Variants in SYT16 observed in about 807,000 individuals in gnomAD.
SYT16 encodes the protein synaptotagmin-16.
Under a neutral mutation model 61.4 loss-of-function variants are expected in SYT16, and 42 were observed. The ratio of observed to expected loss-of-function variants is 0.68; its 90% confidence interval spans 0.53 to 0.89. The LOEUF (loss-of-function observed/expected upper bound fraction) is 0.89, where lower values mean the gene tolerates loss of function less well. Among genes scored for constraint, SYT16 ranks in the 40% least tolerant of loss-of-function variants. The probability of loss-of-function intolerance (pLI) is 0.00; values close to 1 mark genes in which losing one functional copy is unlikely to be tolerated. For missense variants in SYT16, 804 were observed against 807.3 expected, an observed-to-expected ratio of 1.00 and a Z score of 0.05; for synonymous variants, 314 against 302.3, an observed-to-expected ratio of 1.04 and a Z score of -0.40.
At chr14:61,859,442 C>G (rs1010327042) in intron 1 of SYT16, among the ~76,000 whole-genome samples, 5 of 151,960 alleles carry the variant, frequency 3.3e-5, no homozygotes, top group Non-Finnish European at 7.4e-5. Flanking sequence ...CCCTACCTAC[C>G]TAAATCAGAC....
intron 1 of SYT16, among the ~76,000 whole-genome samples, chr14:61,831,136 A>G (rs540901738): frequency 6.6e-6 from 1 of 152,338 alleles, no homozygotes; most frequent in South Asian, 2.1e-4. Flanking sequence ...TGTCACTGAC[A>G]TCTAGCCAGG....
chr14:62,071,298 A>G (rs2056289706), intron 4 of SYT16, among the ~76,000 whole-genome samples: 1 of 152,176 alleles, frequency 6.6e-6, no homozygotes, highest in Non-Finnish European at 1.5e-5. Flanking sequence ...TTTAATCCTA[A>G]AGCTAATGGC....
chr14:62,002,636 G>T (rs953451451), intron 3 of SYT16, among the ~76,000 whole-genome samples: 1 of 152,086 alleles, frequency 6.6e-6, no homozygotes, highest in African/African-American at 2.4e-5. Context: ...AGGGGAATCT[G>T]CAGTGGTCTG....
intron 1 of SYT16, among the ~76,000 whole-genome samples, chr14:61,954,151 T>C (rs1016074235): frequency 1.3e-5 from 2 of 152,194 alleles, no homozygotes; most frequent in African/African-American, 2.4e-5. Context: ...AGAAAGTTTA[T>C]AATACCTGTG....
At chr14:61,869,331 T>A (rs1383305200) in intron 1 of SYT16, among the ~76,000 whole-genome samples, 1 of 152,092 alleles carries the variant, frequency 6.6e-6, no homozygotes, top group Non-Finnish European at 1.5e-5. Context: ...GTCTTTATTC[T>A]TTTTGCTTTG....
intron 5 of SYT16, among the ~76,000 whole-genome samples, chr14:62,080,075 G>A (rs1247114807): frequency 5.3e-5 from 8 of 152,166 alleles, no homozygotes; most frequent in Non-Finnish European, 7.4e-5. Context: ...GGGTAAAAAA[G>A]CTAGTCAGTG....
intron 1 of SYT16, among the ~76,000 whole-genome samples, chr14:61,888,558 G>A (rs1381953013): frequency 2.0e-5 from 3 of 152,162 alleles, no homozygotes; most frequent in Non-Finnish European, 4.4e-5. Flanking sequence ...TCTTATATGG[G>A]TGCAGTTTGT....
rs192721987 is a variant in SYT16 at position 62,051,134 on chromosome 14, C to G, written c.524-18469C>G. 1.7e-4 allele frequency among the ~76,000 whole-genome samples: 26 copies of G among 152,350 alleles called. No homozygotes were observed. The East Asian group carries it at 4.2e-3, about 25-fold the overall frequency. ...TGGGCTCCACCCAGTTCGAGCTTCCCGGCTGCTTTGTTTACCTACTCAAGC... is the reference window on the plus strand; with the variant it reads ...TGGGCTCCACCCAGTTCGAGCTTCCGGGCTGCTTTGTTTACCTACTCAAGC... On this transcript the variant is annotated intron_variant, in intron 3 of 7. Transcript: ENST00000683842.
intron 2 of SYT16, among the ~76,000 whole-genome samples, chr14:61,991,145 A>G (rs980542628): frequency 1.3e-5 from 2 of 152,054 alleles, no homozygotes; most frequent in African/African-American, 4.8e-5. Flanking sequence ...AGAAGCTTGT[A>G]TGGTAAACAC....
rs370916485 is a variant in SYT16 at position 61,838,767 on chromosome 14, A to G, written c.-325+25957A>G. 1.1e-4 allele frequency among the ~76,000 whole-genome samples: 16 copies of G among 152,306 alleles called. No individual in the cohort carries two copies. The East Asian group carries it at 2.5e-3, about 24-fold the overall frequency. On this transcript the variant is annotated intron_variant, in intron 1 of 7. Coordinates refer to ENST00000683842, the MANE Select transcript of SYT16 (RefSeq NM_001367656.1). ...AAAAACTCCAAACATAAAGTTGTCT[A>G]TGTTATTGGAAGGGAGAAGGGAAAA...
At chr14:61,910,528 T>C (rs1376502780) in intron 1 of SYT16, among the ~76,000 whole-genome samples, 1 of 51,948 alleles carries the variant, frequency 1.9e-5, no homozygotes, top group East Asian at 1.6e-3. Context: ...TCCCGCTGTT[T>C]TGTTTTTTTT....
chr14:61,978,014 G>T (rs773308450), intron 2 of SYT16, among the ~76,000 whole-genome samples: 1 of 152,046 alleles, frequency 6.6e-6, no homozygotes, highest in African/African-American at 2.4e-5. Context: ...TTGTCTTGTG[G>T]CTGTATCATT....
intron 1 of SYT16, among the ~76,000 whole-genome samples, chr14:61,851,893 C>T (rs1290160688): frequency 6.6e-6 from 1 of 152,174 alleles, no homozygotes; most frequent in Admixed American, 6.5e-5. Flanking sequence ...TTTTGCTGTG[C>T]AGAAGCTCTT....
intron 5 of SYT16, among the ~76,000 whole-genome samples, chr14:62,079,951 G>T (rs752822551): frequency 3.9e-5 from 6 of 152,154 alleles, no homozygotes; most frequent in African/African-American, 1.4e-4. Flanking sequence ...TATGCAGTCT[G>T]GTCTAAGCCA....
intron 2 of SYT16, among the ~76,000 whole-genome samples, chr14:61,980,657 A>G (rs2052028688): frequency 6.6e-6 from 1 of 152,210 alleles, no homozygotes; most frequent in African/African-American, 2.4e-5. Context: ...TGGAAATAAA[A>G]TGGTGAAAAA....
At chr14:61,832,055 G>C (rs1207018468) in intron 1 of SYT16, 1 of 711,588 alleles carries the variant, frequency 1.4e-6, no homozygotes, top group Non-Finnish European at 2.7e-6. Flanking sequence ...ACATGGCAGC[G>C]CCCACAACCG....
rs1328803790 is a variant in SYT16 at position 62,109,466 on chromosome 14, T to G, written c.*8759T>G. The G allele has an allele frequency of 6.6e-6, 1 of 152,154 alleles. No individual in the cohort carries two copies. Among genetic ancestry groups the G allele is most frequent in the Non-Finnish European group, 1.5e-5 (1 of 68,024 alleles). 9.4% of individuals were successfully genotyped at this position (152,154 alleles called of 1,614,324 possible). A position where few individuals can be genotyped will look rare whatever the true frequency, so the allele number is the denominator to read the frequency against. ...TGGCAAATTTTATTAAAGTGCGTGC[T>G]CTCAGGAAAAGCTGCATATATTTTA... On this transcript the variant is annotated 3_prime_UTR_variant, in exon 8 of 8. Transcript: ENST00000683842.
chr14:62,095,053 G>C (rs1442034533), intron 7 of SYT16, among the ~76,000 whole-genome samples: 1 of 151,974 alleles, frequency 6.6e-6, no homozygotes, highest in Non-Finnish European at 1.5e-5. Context: ...TAAGAGACTA[G>C]GGGAATGTCA....
At chr14:61,862,365 T>C (rs991099171) in intron 1 of SYT16, among the ~76,000 whole-genome samples, 2 of 152,250 alleles carry the variant, frequency 1.3e-5, no homozygotes, top group African/African-American at 4.8e-5. Context: ...TGGGATCATA[T>C]CATATGTCAT....
Sources: gnomAD v4.1 joint callset for allele counts (sites outside exome capture counted in the v4.1 genomes callset) on GRCh38, gnomAD v4.1.1 for gene constraint, MANE v1.5 for transcripts, NCBI Gene and HGNC (gene_info 2026-07-23, HGNC 2026-07-21) for gene names.